SIPA1L3: variants seen among roughly 807,000 people sequenced by gnomAD.
SIPA1L3 encodes the protein signal induced proliferation associated 1 like 3, also known as signal-induced proliferation-associated 1-like protein 3.
Under a neutral mutation model 150.1 loss-of-function variants are expected in SIPA1L3, and 59 were observed. The observed-to-expected ratio is 0.39, with a 90% confidence interval of 0.32 to 0.49. The LOEUF (loss-of-function observed/expected upper bound fraction) is 0.49. Among genes scored for constraint, SIPA1L3 ranks in the 20% least tolerant of loss-of-function variants. The pLI is 0.86. For missense variants in SIPA1L3, 2,211 were observed against 2,489.5 expected, an observed-to-expected ratio of 0.89 and a Z score of 2.38; for synonymous variants, 1,070 against 1,077.6, an observed-to-expected ratio of 0.99 and a Z score of 0.14.
At chr19:37,939,418 A>G (rs2046632189) in intron 1 of SIPA1L3, among the ~76,000 whole-genome samples, 1 of 151,858 alleles carries the variant, frequency 6.6e-6, no homozygotes, top group African/African-American at 2.4e-5. Context: ...AAAAAAAAAA[A>G]AAGGATTAGT....
At chr19:38,111,762 C>T (rs1390010507) in intron 8 of SIPA1L3, among the ~76,000 whole-genome samples, 1 of 152,256 alleles carries the variant, frequency 6.6e-6, no homozygotes, top group Non-Finnish European at 1.5e-5. Context: ...CACCTCTCCC[C>T]CTGCCCATCG....
chr19:38,073,247 C>T (rs1255821967), intron 2 of SIPA1L3, among the ~76,000 whole-genome samples: 12 of 152,138 alleles, frequency 7.9e-5, no homozygotes, highest in Admixed American at 7.9e-4. Context: ...GTGACCGTGA[C>T]GCAGCAAGCC....
At chr19:38,171,211 C>G (rs182983442) in intron 15 of SIPA1L3, among the ~76,000 whole-genome samples, 15 of 152,018 alleles carry the variant, frequency 9.9e-5, no homozygotes, top group Admixed American at 3.9e-4. Context: ...AGGGTGGTAT[C>G]GTCAGGCCAC....
chr19:38,024,770 C>T (rs150124685), intron 1 of SIPA1L3, among the ~76,000 whole-genome samples: 1 of 152,102 alleles, frequency 6.6e-6, no homozygotes, highest in Non-Finnish European at 1.5e-5. Flanking sequence ...TTAGAAGGGT[C>T]ATGTTCGCCC....
intron 2 of SIPA1L3, among the ~76,000 whole-genome samples, chr19:38,075,135 A>G (rs765091406): frequency 1.1e-4 from 16 of 152,164 alleles, no homozygotes; most frequent in Non-Finnish European, 2.2e-4. Flanking sequence ...ATTTTTTTCA[A>G]TAAATATATT....
At chr19:38,162,206 G>A (rs777914577) in intron 13 of SIPA1L3, 47 bp from the exon 14 acceptor site, 1 of 1,488,858 alleles carries the variant, frequency 6.7e-7, no homozygotes, top group Non-Finnish European at 9.4e-7. Context: ...TTCAGGCCCT[G>A]GCCTGAGTCA....
chr19:38,038,151 T>C (rs1420731090), intron 2 of SIPA1L3, among the ~76,000 whole-genome samples: 1 of 151,734 alleles, frequency 6.6e-6, no homozygotes, highest in Admixed American at 6.6e-5. Flanking sequence ...GGGGCCAGGG[T>C]AAGGAGCATG....
At chr19:38,104,066 G>A (rs1032502123) in intron 6 of SIPA1L3, among the ~76,000 whole-genome samples, 1 of 152,066 alleles carries the variant, frequency 6.6e-6, no homozygotes, top group Non-Finnish European at 1.5e-5. Context: ...GTGGGTTTTC[G>A]TCAGCTGGGA....
intron 9 of SIPA1L3, among the ~76,000 whole-genome samples, chr19:38,124,227 G>A (rs1430609952): frequency 6.7e-6 from 1 of 148,390 alleles, no homozygotes; most frequent in Non-Finnish European, 1.5e-5. Flanking sequence ...CGGGCGGAGG[G>A]GCTCCTCACT....
intron 6 of SIPA1L3, chr19:38,106,181 G>T: frequency 4.0e-6 from 1 of 251,340 alleles, no homozygotes; most frequent in South Asian, 4.2e-5. Flanking sequence ...ATCTCGGCTC[G>T]CTGCAACCTC....
intron 8 of SIPA1L3, 22 bp downstream of exon 8, chr19:38,110,406 C>A: frequency 6.2e-7 from 1 of 1,603,314 alleles, no homozygotes; most frequent in Non-Finnish European, 8.5e-7. Flanking sequence ...ACACCCGGCC[C>A]CCAGCAGCGT....
rs776380128 is a variant in SIPA1L3 at position 37,968,661 on chromosome 19, A to G, written c.-378-60428A>G. 5.8e-4 allele frequency among the ~76,000 whole-genome samples: 89 copies of G among 152,340 alleles called. 1 individual carries two copies. Among genetic ancestry groups the G allele is most frequent in the Middle Eastern group, 3.4e-3 (1 of 294 alleles). The stretch of plus-strand genomic sequence containing the variant: ...GAGCCAGAGCTCAAATAATGTTATT[A>G]CTAATGCTGGGTTTTTCTCCTTGAT... On this transcript the variant is annotated intron_variant, in intron 1 of 21. Coordinates refer to ENST00000222345, the MANE Select transcript of SIPA1L3 (RefSeq NM_015073.3).
At chr19:38,176,373 GTTTTTT>G (rs376566101) in intron 15 of SIPA1L3, among the ~76,000 whole-genome samples, 1 of 145,756 alleles carries the variant, frequency 6.9e-6, no homozygotes, top group African/African-American at 2.5e-5. Context: ...TTTAGGGTTG[GTTTTTT>G]TTTTGTTTTT....
chr19:38,054,205 G>A (rs113211391), intron 2 of SIPA1L3, among the ~76,000 whole-genome samples: 19,846 of 152,146 alleles, frequency 0.13, 1,534 homozygotes, highest in South Asian at 0.27. Context: ...CTAGCCAGGC[G>A]TAGTGGCACA....
chr19:38,170,977 A>C (rs1371074576), intron 15 of SIPA1L3, among the ~76,000 whole-genome samples: 2 of 152,104 alleles, frequency 1.3e-5, no homozygotes, highest in African/African-American at 4.8e-5. Context: ...ATAGACACAC[A>C]CACTTTCTGG....
intron 19 of SIPA1L3, 77 bp from the exon 20 acceptor site, chr19:38,201,785 G>T (rs1973092339): frequency 2.7e-6 from 4 of 1,472,200 alleles, no homozygotes; most frequent in Admixed American, 4.5e-5. Flanking sequence ...AGGTTTGCAG[G>T]GAGAGGCGTG....
chr19:37,941,850 G>C (rs2046661548), intron 1 of SIPA1L3, among the ~76,000 whole-genome samples: 1 of 152,168 alleles, frequency 6.6e-6, no homozygotes, highest in Admixed American at 6.5e-5. Flanking sequence ...ACAATAAAGG[G>C]CTCTACTCCA....
chr19:38,042,391 C>A (rs1968945644), intron 2 of SIPA1L3, among the ~76,000 whole-genome samples: 1 of 152,156 alleles, frequency 6.6e-6, no homozygotes, highest in Admixed American at 6.6e-5. Context: ...GTGATGCCTC[C>A]AACTTTTTAT....
At chr19:38,102,167 G>A (rs375563515) in intron 6 of SIPA1L3, among the ~76,000 whole-genome samples, 3 of 150,038 alleles carry the variant, frequency 2.0e-5, no homozygotes, top group South Asian at 2.1e-4. Context: ...CTGCCTCAGC[G>A]TCCCAAGTAA....
Sources: allele counts gnomAD v4.1 joint callset (sites outside exome capture counted in the v4.1 genomes callset), GRCh38; gene constraint gnomAD v4.1.1; transcripts MANE v1.5; gene names NCBI Gene and HGNC (gene_info 2026-07-23, HGNC 2026-07-21).